Variants in KIF5C observed in about 807,000 individuals in gnomAD.
The protein encoded by KIF5C is kinesin family member 5C.
A neutral mutation model predicts 125.2 loss-of-function variants in KIF5C; 18 were observed. The observed-to-expected ratio is 0.14, with a 90% CI of 0.10 to 0.21. The LOEUF (loss-of-function observed/expected upper bound fraction) is 0.21. Among genes scored for constraint, KIF5C ranks in the 10% least tolerant of loss-of-function variants. The pLI is 1.00. For missense variants in KIF5C, 780 were observed against 1,183.8 expected (o/e 0.66, Z 5.01); for synonymous variants, 405 against 434.0 (o/e 0.93, Z 0.83).
At position 148,990,893 on chromosome 2, in the gene KIF5C, A is replaced by G. The variant is rs1023245610; in HGVS notation, c.1717-117A>G. On this transcript the variant is annotated intron_variant, in intron 15 of 25. Coordinates refer to ENST00000435030, the MANE Select transcript of KIF5C (RefSeq NM_004522.3). ...AGTACTTTCCGCTTGTCCTTTAATTAGGATTCTGAACCAGAAATCCATGGA... is the reference window on the plus strand; with the variant it reads ...AGTACTTTCCGCTTGTCCTTTAATTGGGATTCTGAACCAGAAATCCATGGA... The G allele has an allele frequency of 1.7e-5, 25 of 1,433,230 alleles. 1 individual carries two copies. In the Admixed American group the frequency reaches 2.9e-4, roughly 16 times the overall value. 88.8% of individuals were successfully genotyped at this position (1,433,230 alleles called of 1,614,324 possible). A position where few individuals can be genotyped will look rare whatever the true frequency, so the allele number is the denominator to read the frequency against.
intron 18 of KIF5C, chr2:148,997,757 T>G (rs906060290): frequency 5.6e-6 from 1 of 177,010 alleles, no homozygotes; most frequent in African/African-American, 2.4e-5. Flanking sequence ...AAAGGAAAAT[T>G]GATTGTGGAG....
chr2:148,900,495 T>C (rs1680851957), intron 1 of KIF5C, among the ~76,000 whole-genome samples: 1 of 152,176 alleles, frequency 6.6e-6, no homozygotes, highest in Admixed American at 6.5e-5. Flanking sequence ...TAGGGGCCTC[T>C]CCCTCCCTGC....
At chr2:149,009,171 T>C (rs1682106456) in intron 23 of KIF5C, among the ~76,000 whole-genome samples, 1 of 151,794 alleles carries the variant, frequency 6.6e-6, no homozygotes, top group Admixed American at 6.6e-5. Flanking sequence ...TTTGTATTTT[T>C]AGTAGAGACA....
chr2:148,955,133 C>G (rs572204022), intron 10 of KIF5C, among the ~76,000 whole-genome samples: 1 of 152,092 alleles, frequency 6.6e-6, no homozygotes, highest in Non-Finnish European at 1.5e-5. Flanking sequence ...ATGGCCTCAC[C>G]AGAAGCTGGG....
chr2:149,011,997 T>C (rs1682222702), intron 25 of KIF5C, among the ~76,000 whole-genome samples: 2 of 152,160 alleles, frequency 1.3e-5, no homozygotes, highest in African/African-American at 4.8e-5. Flanking sequence ...TTAATTGGCA[T>C]CCCAAAGGGC....
chr2:148,981,802 A>G (rs1681245679), intron 14 of KIF5C, among the ~76,000 whole-genome samples: 1 of 152,136 alleles, frequency 6.6e-6, no homozygotes, highest in Non-Finnish European at 1.5e-5. Context: ...ATTAGTGGGG[A>G]TGCTTTGTGG....
intron 1 of KIF5C, among the ~76,000 whole-genome samples, chr2:148,914,900 C>T (rs1051225055): frequency 5.3e-5 from 8 of 152,192 alleles, no homozygotes; most frequent in Non-Finnish European, 1.2e-4. Flanking sequence ...CTGGAGATAT[C>T]AGCATGGCCT....
intron 24 of KIF5C, 77 bp downstream of exon 24, chr2:149,010,428 G>T: frequency 6.8e-7 from 1 of 1,472,312 alleles, no homozygotes; most frequent in Non-Finnish European, 9.0e-7. Flanking sequence ...AAAAGGTGAA[G>T]ACAGCGCTGG....
chr2:148,973,128 A>G lies in KIF5C; in HGVS notation c.1118-208A>G, dbSNP rs150654995. Among the ~76,000 whole-genome samples, 62 of 152,304 alleles carry G rather than the reference A, an allele frequency of 4.1e-4. No homozygotes were observed. In the East Asian group the frequency reaches 0.011, roughly 27 times the overall value. On this transcript the variant is annotated intron_variant, in intron 11 of 25. Transcript: ENST00000435030. ...TGCATCTTGAGAGGGGAGGTTTTAC[A>G]TAGTTCTCTTTTTTCTTAGACTAGT...
chr2:148,938,051 G>T (rs1446965783), intron 4 of KIF5C, among the ~76,000 whole-genome samples: 3 of 152,030 alleles, frequency 2.0e-5, no homozygotes, highest in Non-Finnish European at 2.9e-5. Context: ...ACTTAAATTG[G>T]CATTAAAAGA....
chr2:149,008,152 A>G, intron 23 of KIF5C, 85 bp downstream of exon 23: 1 of 1,439,126 alleles, frequency 6.9e-7, no homozygotes, highest in Non-Finnish European at 9.2e-7. Flanking sequence ...GTGTGCGGAG[A>G]AGGCACTGAG....
chr2:149,002,935 C>T (rs1203572131), intron 21 of KIF5C, among the ~76,000 whole-genome samples: 5 of 152,200 alleles, frequency 3.3e-5, no homozygotes, highest in Non-Finnish European at 4.4e-5. Flanking sequence ...CTAGCTCCTC[C>T]CGTCTCCCTG....
chr2:148,939,076 C>CA (rs1381476501), intron 4 of KIF5C, among the ~76,000 whole-genome samples: 3 of 138,206 alleles, frequency 2.2e-5, no homozygotes, highest in African/African-American at 8.4e-5. Flanking sequence ...GCCTGGGCGA[C>CA]AGAGAGAGAT....
intron 19 of KIF5C, chr2:148,998,768 GGT>G: frequency 2.3e-6 from 1 of 437,570 alleles, no homozygotes; most frequent in East Asian, 4.0e-5. Flanking sequence ...GGGTCACATA[GGT>G]GATTCCGCTG....
At chr2:148,970,770 C>T (rs1048511284) in intron 11 of KIF5C, among the ~76,000 whole-genome samples, 1 of 152,222 alleles carries the variant, frequency 6.6e-6, no homozygotes, top group Non-Finnish European at 1.5e-5. Context: ...CTATCCCCGG[C>T]CCCTGCCCAC....
At chr2:148,936,309 A>G (rs1403135016) in intron 3 of KIF5C, among the ~76,000 whole-genome samples, 2 of 152,110 alleles carry the variant, frequency 1.3e-5, no homozygotes, top group African/African-American at 4.8e-5. Flanking sequence ...CAAACAAAAA[A>G]TCTGGAAAAT....
chr2:148,933,185 AAACTT>A, intron 3 of KIF5C, among the ~76,000 whole-genome samples: 1 of 151,912 alleles, frequency 6.6e-6, no homozygotes. Context: ...ACCCATCCCT[AAACTT>A]AACCATTCTT....
At position 148,946,886 on chromosome 2, in the gene KIF5C, T is replaced by G. The variant is rs1479236431; in HGVS notation, c.590-13T>G. On this transcript the variant is annotated splice_polypyrimidine_tract_variant and intron_variant, in intron 7 of 25. Transcript: ENST00000435030. ...ATGTTCTTTGTAGAGCAGTAAACTA[T>G]TTTCCTTTTCAGACATGAATGAACA... 15 of 1,610,710 alleles carry G rather than the reference T, an allele frequency of 9.3e-6. No homozygotes were observed. The highest frequency in any genetic ancestry group is 1.7e-5 in the Admixed American group (1 of 59,076).
At chr2:148,979,188 A>G (rs1452007527) in intron 13 of KIF5C, among the ~76,000 whole-genome samples, 198 bp downstream of exon 13, 1 of 152,236 alleles carries the variant, frequency 6.6e-6, no homozygotes, top group African/African-American at 2.4e-5. Flanking sequence ...CTGACTTTCA[A>G]AAACCCCTGA....
Sources: gnomAD v4.1 joint callset for allele counts (sites outside exome capture counted in the v4.1 genomes callset) on GRCh38, gnomAD v4.1.1 for gene constraint, MANE v1.5 for transcripts, NCBI Gene and HGNC (gene_info 2026-07-23, HGNC 2026-07-21) for gene names.